The following SSPN variants were observed in gnomAD, a reference collection of about 807,000 sequenced individuals.
The protein encoded by SSPN is K-ras oncogene-associated protein.
SSPN carries 15 observed loss-of-function variants against 19.1 expected under a neutral mutation model. The ratio of observed to expected loss-of-function variants is 0.78; its 90% CI spans 0.52 to 1.21. SSPN has a LOEUF of 1.21. SSPN is among the 50% of genes most tolerant of loss of function. SSPN has a pLI of 0.00. For synonymous variants in SSPN, 147 were observed against 140.3 expected (o/e 1.05, Z -0.34); for missense variants, 291 against 314.0 (o/e 0.93, Z 0.55).
chr12:26,223,618 AC>A (rs1945146138), intron 1 of SSPN, among the ~76,000 whole-genome samples: 1 of 152,090 alleles, frequency 6.6e-6, no homozygotes. Context: ...ATCCCAAGCT[AC>A]CTGATTTGAA....
intron 1 of SSPN, among the ~76,000 whole-genome samples, chr12:26,223,530 A>G (rs576074805): frequency 1.2e-4 from 18 of 152,306 alleles, no homozygotes; most frequent in South Asian, 6.2e-4. Flanking sequence ...GTTTTAAACT[A>G]TGGGTGTGCA....
At chr12:26,207,415 A>T (rs1185154805) in intron 1 of SSPN, among the ~76,000 whole-genome samples, 1 of 152,208 alleles carries the variant, frequency 6.6e-6, no homozygotes, top group East Asian at 1.9e-4. Flanking sequence ...TAAGAAAGGA[A>T]ACATTACATT....
At chr12:26,155,622 GTTAA>G (rs1308611719) in intron 1 of SSPN, among the ~76,000 whole-genome samples, 1 of 152,170 alleles carries the variant, frequency 6.6e-6, no homozygotes, top group African/African-American at 2.4e-5. Context: ...AAGAGGAAGA[GTTAA>G]TCTGAAAGAG....
At chr12:26,156,069 A>G (rs1382405450) in intron 1 of SSPN, among the ~76,000 whole-genome samples, 3 of 152,250 alleles carry the variant, frequency 2.0e-5, no homozygotes, top group African/African-American at 7.2e-5. Context: ...AAAGTAAGAC[A>G]TGACAAAGAA....
At chr12:26,213,539 T>C (rs1317836548) in intron 1 of SSPN, among the ~76,000 whole-genome samples, 3 of 151,966 alleles carry the variant, frequency 2.0e-5, no homozygotes, top group Non-Finnish European at 4.4e-5. Flanking sequence ...GCTGTAATAC[T>C]TCACAGTTCC....
intron 1 of SSPN, among the ~76,000 whole-genome samples, chr12:26,189,400 G>A (rs1944774221): frequency 6.6e-6 from 1 of 152,088 alleles, no homozygotes; most frequent in Non-Finnish European, 1.5e-5. Context: ...ACTCTCAGCT[G>A]TCTTTCTCCC....
At chr12:26,181,498 G>A (rs531534601) in intron 1 of SSPN, among the ~76,000 whole-genome samples, 52 of 152,156 alleles carry the variant, frequency 3.4e-4, no homozygotes, top group African/African-American at 1.2e-3. Flanking sequence ...GCTTAAAAAG[G>A]GAGCACGGTA....
At chr12:26,161,616 G>C (rs546741665) in intron 1 of SSPN, among the ~76,000 whole-genome samples, 1 of 152,072 alleles carries the variant, frequency 6.6e-6, no homozygotes, top group Non-Finnish European at 1.5e-5. Context: ...CAAATTAAAT[G>C]TAAACTACAC....
chr12:26,175,110 A>C (rs915226093), intron 1 of SSPN, among the ~76,000 whole-genome samples: 2 of 152,176 alleles, frequency 1.3e-5, no homozygotes, highest in Admixed American at 6.5e-5. Flanking sequence ...TTAACTTTTT[A>C]AGAAATTACC....
At chr12:26,155,786 C>G (rs1944552427) in intron 1 of SSPN, among the ~76,000 whole-genome samples, 1 of 152,184 alleles carries the variant, frequency 6.6e-6, no homozygotes, top group Non-Finnish European at 1.5e-5. Flanking sequence ...CTAAGCTTTT[C>G]CCAGGTACCA....
intron 1 of SSPN, among the ~76,000 whole-genome samples, chr12:26,153,786 C>G (rs966517326): frequency 2.0e-5 from 3 of 152,136 alleles, no homozygotes; most frequent in African/African-American, 7.2e-5. Flanking sequence ...AGCTGATATC[C>G]CAGTGGTCCC....
At chr12:26,138,201 G>C (rs1317448346) in intron 1 of SSPN, among the ~76,000 whole-genome samples, 1 of 152,030 alleles carries the variant, frequency 6.6e-6, no homozygotes, top group Admixed American at 6.6e-5. Flanking sequence ...AATTTGTATT[G>C]TTATTTATTT....
intron 1 of SSPN, among the ~76,000 whole-genome samples, chr12:26,126,937 T>C (rs1944370009): frequency 6.6e-6 from 1 of 152,214 alleles, no homozygotes; most frequent in South Asian, 2.1e-4. Context: ...CTCTCTCCTA[T>C]TTCCAAAAGG....
chr12:26,184,707 G>A (rs1387634551), intron 1 of SSPN, among the ~76,000 whole-genome samples: 2 of 152,122 alleles, frequency 1.3e-5, no homozygotes, highest in Admixed American at 1.3e-4. Flanking sequence ...TTCTCTTCTA[G>A]ATGAGCATCC....
chr12:26,234,117 G>T lies in SSPN; in HGVS notation c.*3041G>T, dbSNP rs900249939. On this transcript the variant is annotated 3_prime_UTR_variant, in exon 3 of 3. Coordinates refer to ENST00000242729, the MANE Select transcript of SSPN (RefSeq NM_005086.5). ...TGTTCTGACAGTGAGAACACATTAT[G>T]TACATGTTTTCTATTCATGTCCAGG... 2 of 152,152 alleles carry T rather than the reference G, an allele frequency of 1.3e-5. No individual in the cohort carries two copies. Among genetic ancestry groups the T allele is most frequent in the South Asian group, 4.1e-4 (2 of 4,832 alleles). The allele number at this position is 152,152 out of a possible 1,614,324, so 9.4% of individuals were successfully genotyped here. A position where few individuals can be genotyped will look rare whatever the true frequency, so the allele number is the denominator to read the frequency against.
At chr12:26,188,286 A>G (rs1944766599) in intron 1 of SSPN, among the ~76,000 whole-genome samples, 1 of 152,184 alleles carries the variant, frequency 6.6e-6, no homozygotes, top group Non-Finnish European at 1.5e-5. Flanking sequence ...GGGAAAAAGA[A>G]CACGACCCAC....
intron 1 of SSPN, among the ~76,000 whole-genome samples, chr12:26,135,185 C>CAGGA (rs1458980940): frequency 6.6e-6 from 1 of 152,146 alleles, no homozygotes; most frequent in East Asian, 1.9e-4. Flanking sequence ...GCATGGCTCT[C>CAGGA]AGAGGCCAGA....
rs1945245913 is a variant in SSPN at position 26,232,687 on chromosome 12, C to T, written c.*1611C>T. 3 of 984,960 alleles carry T rather than the reference C, an allele frequency of 3.0e-6. No homozygotes were observed. The highest frequency in any genetic ancestry group is 3.6e-6 in the Non-Finnish European group (3 of 829,636). The allele number at this position is 984,960 out of a possible 1,614,324, so 61.0% of individuals were successfully genotyped here. A position where few individuals can be genotyped will look rare whatever the true frequency, so the allele number is the denominator to read the frequency against. ...TCCAGTATAAAGGAAAGCGTTAAGT[C>T]GGTAAGCTAGAGGATTGTAAATATC... On this transcript the variant is annotated 3_prime_UTR_variant, in exon 3 of 3. Coordinates refer to ENST00000242729, the MANE Select transcript of SSPN (RefSeq NM_005086.5).
At chr12:26,180,767 C>G (rs539293727) in intron 1 of SSPN, 61 of 152,310 alleles carry the variant, frequency 4.0e-4, no homozygotes, top group African/African-American at 1.4e-3. Flanking sequence ...TCTGTAGACT[C>G]ATACAGCATC....
Sources: allele counts gnomAD v4.1 joint callset (sites outside exome capture counted in the v4.1 genomes callset), GRCh38; gene constraint gnomAD v4.1.1; transcripts MANE v1.5; gene names NCBI Gene and HGNC (gene_info 2026-07-23, HGNC 2026-07-21).